The following NAALADL2 variants were observed in gnomAD, a reference collection of about 807,000 sequenced individuals.
NAALADL2 encodes N-acetylated alpha-linked acidic dipeptidase like 2, also known as inactive N-acetylated-alpha-linked acidic dipeptidase-like protein 2.
A neutral mutation model predicts 87.2 loss-of-function variants in NAALADL2; 76 were observed. The ratio of observed to expected loss-of-function variants is 0.87; its 90% CI spans 0.72 to 1.05. NAALADL2 has a LOEUF of 1.05. Ranked by LOEUF, NAALADL2 falls within the 50% of genes least tolerant of loss-of-function variation. The pLI is 0.00. For synonymous variants in NAALADL2, 354 were observed against 331.0 expected, an observed-to-expected ratio of 1.07 and a Z score of -0.75; for missense variants, 1,089 against 945.8, an observed-to-expected ratio of 1.15 and a Z score of -1.99.
intron 1 of NAALADL2, among the ~76,000 whole-genome samples, chr3:174,490,570 C>CT (rs939460158): frequency 6.6e-6 from 1 of 151,950 alleles, no homozygotes; most frequent in African/African-American, 2.4e-5. Flanking sequence ...CAATAAAGAT[C>CT]TTTTTTTAAA....
intron 2 of NAALADL2, among the ~76,000 whole-genome samples, chr3:174,607,546 A>C (rs1719244163): frequency 6.7e-6 from 1 of 150,364 alleles, no homozygotes. Context: ...ACTTTAAACC[A>C]ACAAAGATCA....
intron 1 of NAALADL2, among the ~76,000 whole-genome samples, chr3:175,081,728 T>C (rs1717869930): frequency 6.6e-6 from 1 of 152,202 alleles, no homozygotes; most frequent in Admixed American, 6.5e-5. Flanking sequence ...CCATTTCTGA[T>C]TTCTTAACGA....
At chr3:175,430,637 T>G (rs527863735) in intron 5 of NAALADL2, among the ~76,000 whole-genome samples, 1 of 152,152 alleles carries the variant, frequency 6.6e-6, no homozygotes, top group Non-Finnish European at 1.5e-5. Context: ...AGTCTAACTT[T>G]GTGTCTCTAC....
chr3:175,641,726 G>A (rs780119161), intron 11 of NAALADL2, among the ~76,000 whole-genome samples: 3 of 152,050 alleles, frequency 2.0e-5, no homozygotes, highest in Non-Finnish European at 2.9e-5. Flanking sequence ...CCCAACATAC[G>A]CACTCTCTTC....
Position 174,701,029 on chromosome 3 carries a change from G to A in NAALADL2, c.-114-36612G>A, listed in dbSNP as rs1729501062. Among the ~76,000 whole-genome samples, 3 of 152,160 alleles carry A rather than the reference G, an allele frequency of 2.0e-5. No homozygotes were observed. The South Asian group carries it at 6.2e-4, about 32-fold the overall frequency. On this transcript the variant is annotated intron_variant, in intron 2 of 3. Coordinates refer to the NAALADL2 transcript ENST00000434257. The stretch of plus-strand genomic sequence containing the variant: ...AAGACATTAAAGAAACAGTCATGAA[G>A]GGAGATTTCAAAACCTTAGTAAAGA...
intron 2 of NAALADL2, among the ~76,000 whole-genome samples, chr3:174,725,092 C>T (rs757075228): frequency 1.6e-4 from 25 of 152,122 alleles, no homozygotes; most frequent in African/African-American, 5.3e-4. Flanking sequence ...TCCTCACCCC[C>T]CAAAGGAACA....
At chr3:174,602,596 A>G (rs1407714686) in intron 2 of NAALADL2, among the ~76,000 whole-genome samples, 18 of 152,026 alleles carry the variant, frequency 1.2e-4, no homozygotes, top group Non-Finnish European at 2.1e-4. Flanking sequence ...TTGTTTTCCA[A>G]TTTGGATGCC....
At chr3:174,801,966 C>A (rs758560983) in intron 3 of NAALADL2, among the ~76,000 whole-genome samples, 4 of 151,906 alleles carry the variant, frequency 2.6e-5, no homozygotes, top group Non-Finnish European at 5.9e-5. Context: ...AAACTCATAC[C>A]TTTGATACAA....
At chr3:174,947,057 C>A (rs561531132) in intron 1 of NAALADL2, among the ~76,000 whole-genome samples, 27 of 152,190 alleles carry the variant, frequency 1.8e-4, no homozygotes, top group African/African-American at 6.0e-4. Flanking sequence ...ATATAAAATC[C>A]TTGATATATA....
chr3:174,766,815 C>G (rs150873375), intron 3 of NAALADL2, among the ~76,000 whole-genome samples: 31 of 152,210 alleles, frequency 2.0e-4, no homozygotes, highest in Non-Finnish European at 3.2e-4. Flanking sequence ...AATTTCTTGC[C>G]CTTTGAGAGC....
chr3:174,927,984 A>G (rs993203755), intron 1 of NAALADL2, among the ~76,000 whole-genome samples: 1 of 152,202 alleles, frequency 6.6e-6, no homozygotes, highest in Non-Finnish European at 1.5e-5. Flanking sequence ...TAGTCTAAAA[A>G]TTAAAGACAG....
chr3:175,445,282 T>C (rs1361738312), intron 5 of NAALADL2, among the ~76,000 whole-genome samples: 6 of 152,230 alleles, frequency 3.9e-5, no homozygotes, highest in African/African-American at 1.4e-4. Flanking sequence ...ATAACTGTTT[T>C]ATCTTATTTT....
chr3:174,490,225 A>G (rs1718097630), intron 1 of NAALADL2, among the ~76,000 whole-genome samples: 1 of 152,150 alleles, frequency 6.6e-6, no homozygotes, highest in African/African-American at 2.4e-5. Context: ...TTACTTGGCA[A>G]TAAAAAATGA....
intron 3 of NAALADL2, among the ~76,000 whole-genome samples, chr3:174,812,635 T>C (rs879462701): frequency 6.6e-5 from 10 of 152,056 alleles, no homozygotes; most frequent in Non-Finnish European, 1.2e-4. Flanking sequence ...ATTGTTTTCA[T>C]AGGAGATAAC....
At chr3:175,441,635 C>T (rs1719779380) in intron 5 of NAALADL2, among the ~76,000 whole-genome samples, 1 of 151,182 alleles carries the variant, frequency 6.6e-6, no homozygotes, top group South Asian at 2.1e-4. Context: ...TAGGAAGGAT[C>T]TGTACAACAT....
chr3:174,573,818 C>G (rs915535272), intron 2 of NAALADL2, among the ~76,000 whole-genome samples: 7 of 152,136 alleles, frequency 4.6e-5, no homozygotes, highest in Admixed American at 3.9e-4. Flanking sequence ...CAAACACTCC[C>G]AGCAGGCCCC....
intron 4 of NAALADL2, among the ~76,000 whole-genome samples, chr3:175,307,375 A>C (rs554449037): frequency 1.9e-4 from 29 of 152,232 alleles, no homozygotes; most frequent in Admixed American, 1.7e-3. Context: ...TAAATTTTTA[A>C]ATGTTAACGT....
chr3:175,456,547 G>T (rs1194621775), intron 6 of NAALADL2, among the ~76,000 whole-genome samples: 1 of 152,016 alleles, frequency 6.6e-6, no homozygotes, highest in South Asian at 2.1e-4. Flanking sequence ...AACTTTCAAC[G>T]GTGAATTTTT....
chr3:175,593,375 A>C (rs1047951118), intron 10 of NAALADL2, among the ~76,000 whole-genome samples: 1 of 152,118 alleles, frequency 6.6e-6, no homozygotes, highest in African/African-American at 2.4e-5. Flanking sequence ...ATTAAGCTAG[A>C]GGTTTTGTAA....
Sources: allele counts gnomAD v4.1 joint callset (sites outside exome capture counted in the v4.1 genomes callset), GRCh38; gene constraint gnomAD v4.1.1; transcripts MANE v1.5; gene names NCBI Gene and HGNC (gene_info 2026-07-23, HGNC 2026-07-21).